The following DPP6 variants were observed in gnomAD, a reference collection of about 807,000 sequenced individuals.
The protein encoded by DPP6 is dipeptidyl peptidase like 6.
Under a neutral mutation model 122.6 loss-of-function variants are expected in DPP6, and 69 were observed. The observed-to-expected ratio is 0.56, with a 90% CI of 0.46 to 0.69. DPP6 has a LOEUF of 0.69. Ranked by LOEUF, DPP6 falls within the 30% of genes least tolerant of loss-of-function variation. The pLI, the probability that DPP6 is intolerant of heterozygous loss-of-function variation, is 0.00. For synonymous variants in DPP6, 418 were observed against 433.1 expected (o/e 0.97, Z 0.43); for missense variants, 928 against 1,116.9 (o/e 0.83, Z 2.41).
intron 1 of DPP6, chr7:154,305,426 G>T: frequency 6.8e-7 from 1 of 1,464,490 alleles, no homozygotes; most frequent in South Asian, 1.4e-5. Flanking sequence ...TTACCGCTTG[G>T]ACTCTGGTGG....
intron 21 of DPP6, chr7:154,885,074 G>C (rs891204215): frequency 6.5e-6 from 1 of 152,834 alleles, no homozygotes; most frequent in Non-Finnish European, 1.5e-5. Context: ...TTTTCTCTGG[G>C]GAGGCCTGCG....
intron 7 of DPP6, among the ~76,000 whole-genome samples, chr7:154,697,776 C>T (rs1402710147): frequency 6.6e-6 from 1 of 152,202 alleles, no homozygotes; most frequent in Non-Finnish European, 1.5e-5. Flanking sequence ...TTCTTGAACT[C>T]CCAGGTTCGA....
chr7:154,491,156 G>T (rs2151387542), intron 3 of DPP6, among the ~76,000 whole-genome samples: 1 of 152,210 alleles, frequency 6.6e-6, no homozygotes, highest in South Asian at 2.1e-4. Context: ...CATTAAAATA[G>T]GTTTTTACTG....
intron 4 of DPP6, among the ~76,000 whole-genome samples, chr7:154,558,821 A>G (rs1401051165): frequency 6.6e-6 from 1 of 152,234 alleles, no homozygotes; most frequent in African/African-American, 2.4e-5. Context: ...TGCATGACTA[A>G]TGGCCACTAT....
intron 1 of DPP6, among the ~76,000 whole-genome samples, chr7:153,901,875 TC>T: frequency 6.6e-6 from 1 of 152,366 alleles, no homozygotes; most frequent in South Asian, 2.1e-4. Flanking sequence ...CCTTCTTTCT[TC>T]CTTGAGCTCC....
chr7:154,785,967 G>A (rs1235561000), intron 10 of DPP6, among the ~76,000 whole-genome samples: 1 of 151,906 alleles, frequency 6.6e-6, no homozygotes, highest in Non-Finnish European at 1.5e-5. Flanking sequence ...TTTTCCCCAA[G>A]TCTGTCTCTC....
intron 1 of DPP6, among the ~76,000 whole-genome samples, chr7:154,346,901 G>A (rs1013845219): frequency 4.5e-4 from 68 of 152,022 alleles, no homozygotes; most frequent in Non-Finnish European, 1.3e-4. Flanking sequence ...GTGAACTTTC[G>A]CCCAGAGTAT....
chr7:154,819,639 C>T (rs1799637606), intron 16 of DPP6, among the ~76,000 whole-genome samples: 1 of 152,046 alleles, frequency 6.6e-6, no homozygotes, highest in Non-Finnish European at 1.5e-5. Context: ...AAATGGCTTC[C>T]AGAGCACATA....
intron 1 of DPP6, among the ~76,000 whole-genome samples, chr7:153,981,557 T>A (rs569770932): frequency 4.1e-4 from 62 of 152,352 alleles, no homozygotes; most frequent in Non-Finnish European, 7.2e-4. Context: ...AGGTTAATAC[T>A]GTTATGTGTG....
Position 154,063,243 on chromosome 7 carries a change from C to G in DPP6, c.243+10180C>G, listed in dbSNP as rs528917695. Reference sequence around the variant, plus strand: ...CGAGGCAGGGACTGAGAGCCAGCCCCTATTCCCCCACTGGCTCTTAGGACC... The same window carrying G: ...CGAGGCAGGGACTGAGAGCCAGCCCGTATTCCCCCACTGGCTCTTAGGACC... On this transcript the variant is annotated intron_variant, in intron 1 of 25. Transcript: ENST00000377770. Among the ~76,000 whole-genome samples the G allele has an allele frequency of 3.0e-5, 4 of 135,406 alleles. 1 individual carries two copies. Among genetic ancestry groups the G allele is most frequent in the African/African-American group, 5.4e-5 (2 of 37,196 alleles). 88.8% of individuals were successfully genotyped at this position (135,406 alleles called of 152,430 possible).
chr7:153,987,606 C>T (rs546375312), intron 1 of DPP6, among the ~76,000 whole-genome samples: 12 of 151,872 alleles, frequency 7.9e-5, no homozygotes, highest in South Asian at 6.3e-4. Flanking sequence ...ATTCCATTTC[C>T]GTTGGACGGG....
Position 154,456,118 on chromosome 7 carries a change from G to A in DPP6, c.358+9790G>A, listed in dbSNP as rs184911392. Among the ~76,000 whole-genome samples, 190 of 152,272 alleles carry A rather than the reference G, an allele frequency of 1.2e-3. 2 individuals carry two copies. The highest frequency in any genetic ancestry group is 0.012 in the South Asian group (58 of 4,826). Reference sequence around the variant, plus strand: ...CAGAAAGCTGTGATATAATAAAATCGGAGAACTGGAGAGCAATTCTGTAAA... The same window carrying A: ...CAGAAAGCTGTGATATAATAAAATCAGAGAACTGGAGAGCAATTCTGTAAA... On this transcript the variant is annotated intron_variant, in intron 2 of 25. Coordinates refer to ENST00000377770, the MANE Select transcript of DPP6 (RefSeq NM_130797.4).
At chr7:154,428,830 G>C (rs1363576023) in intron 1 of DPP6, among the ~76,000 whole-genome samples, 1 of 152,130 alleles carries the variant, frequency 6.6e-6, no homozygotes, top group African/African-American at 2.4e-5. Flanking sequence ...TGGTATAATA[G>C]ATTTGGAGAC....
At chr7:153,881,345 G>A in the DPP6 span, among the ~76,000 whole-genome samples, 1 of 152,204 alleles carries the variant, frequency 6.6e-6, no homozygotes, top group Admixed American at 6.5e-5. Flanking sequence ...CATTAGCACT[G>A]AGGTGAGATT....
intron 1 of DPP6, among the ~76,000 whole-genome samples, chr7:153,930,529 T>TA (rs1801124563): frequency 6.6e-6 from 1 of 152,208 alleles, no homozygotes; most frequent in Non-Finnish European, 1.5e-5. Flanking sequence ...GAAATATACA[T>TA]ACACTGTGTA....
chr7:154,727,829 G>T lies in DPP6; in HGVS notation c.825G>T (p.Val275=). Residue 275 remains valine, a synonymous_variant, in exon 8 of 26, where the codon GTG becomes GTT. Coordinates refer to ENST00000377770, the MANE Select transcript of DPP6 (RefSeq NM_130797.4). ...ATGTCGGGAAACAGGCCATCCGTGT[G>T]GTCTCCACTGGCAAGGAAGGTGTGA... ...CAHVGKQAIR[V]VSTGKEGVIY... 6.2e-7 allele frequency: 1 copy of T among 1,613,900 alleles called. No homozygotes were observed. Among genetic ancestry groups the T allele is most frequent in the Non-Finnish European group, 8.5e-7 (1 of 1,179,848 alleles).
At position 154,403,682 on chromosome 7, in the gene DPP6, C is replaced by G. The variant is rs1815838288; in HGVS notation, c.244-42532C>G. On this transcript the variant is annotated intron_variant, in intron 1 of 25. Transcript: ENST00000377770. The surrounding 1 kb of genome is among the most constrained non-coding windows in gnomAD (Gnocchi z 4.1). ...AGAGTGGGCCAGAGTGCCAGGGAGG[C>G]AGCAATCTGCAGGTTGCGTTCATGC... Among the ~76,000 whole-genome samples the G allele has an allele frequency of 6.6e-6, 1 of 152,228 alleles. No individual in the cohort carries two copies.
At position 154,313,712 on chromosome 7, in the gene DPP6, T is replaced by TATATATATATATATATATATATGC. The variant is rs1554515587; in HGVS notation, c.244-132499_244-132498insTATATATATATATATATATGCATA. On this transcript the variant is annotated intron_variant, in intron 1 of 25. Coordinates refer to ENST00000377770, the MANE Select transcript of DPP6 (RefSeq NM_130797.4). ...ATATATATATATATATATATATATA[T>TATATATATATATATATATATATGC]ATACACACACACGCACGCACACACA... Among the ~76,000 whole-genome samples the TATATATATATATATATATATATGC allele has an allele frequency of 9.4e-3, 232 of 24,808 alleles. 48 individuals carry two copies. The highest frequency in any genetic ancestry group is 0.02 in the South Asian group (8 of 410). The allele number at this position is 24,808 out of a possible 152,430, so 16.3% of individuals were successfully genotyped here.
Position 153,946,916 on chromosome 7 carries a change from C to A in DPP6, c.51+59182C>A, listed in dbSNP as rs992638590. ...CATGGAGCAGTTTAACTTTTCCCGA[C>A]ATAAAATGCGAATTTCCAAGCTGAA... is the stretch of plus-strand genomic sequence containing the variant. On this transcript the variant is annotated intron_variant, in intron 1 of 25. Coordinates refer to the DPP6 transcript ENST00000404039. Among the ~76,000 whole-genome samples, 11 of 152,054 alleles carry A rather than the reference C, an allele frequency of 7.2e-5. No homozygotes were observed. The East Asian group carries it at 1.9e-3, about 27-fold the overall frequency.
Sources: allele counts gnomAD v4.1 joint callset (sites outside exome capture counted in the v4.1 genomes callset), GRCh38; gene constraint gnomAD v4.1.1; non-coding constraint Gnocchi (gnomAD v3.1); transcripts MANE v1.5; gene names NCBI Gene and HGNC (gene_info 2026-07-23, HGNC 2026-07-21).